The following RYR1 variants were observed in gnomAD, a reference collection of about 807,000 sequenced individuals.
The protein encoded by RYR1 is ryanodine receptor 1.
In RYR1, 342 loss-of-function variants were observed where a neutral mutation model predicts 583.5. That is an observed-to-expected ratio of 0.59 (90% CI 0.54 to 0.64). The LOEUF (loss-of-function observed/expected upper bound fraction) is 0.64. Ranked by LOEUF, RYR1 falls within the 30% of genes least tolerant of loss-of-function variation. The pLI, the probability that RYR1 is intolerant of heterozygous loss-of-function variation, is 0.00. For missense variants in RYR1, 6,032 were observed against 6,917.2 expected, an observed-to-expected ratio of 0.87 and a Z score of 4.54; for synonymous variants, 2,791 against 2,822.5, an observed-to-expected ratio of 0.99 and a Z score of 0.35.
Position 38,543,853 on chromosome 19 carries a change from A to G in RYR1, c.11990A>G (p.His3997Arg). 1 of 1,613,754 alleles carries G rather than the reference A, an allele frequency of 6.2e-7. No homozygotes were observed. Among genetic ancestry groups the G allele is most frequent in the Non-Finnish European group, 8.5e-7 (1 of 1,180,020 alleles). ...GTGGGATTCCTGCACGTGTTCGCCC[A>G]CATGATGATGAAGCTCGCTCAGGTT... is the stretch of plus-strand genomic sequence containing the variant. ...AVVGFLHVFA[H>R]MMMKLAQDSS... The change falls in exon 87 of 106, where the codon CAC (histidine) becomes CGC (arginine). Residue 3997 changes from histidine (H) to arginine (R), a missense_variant. This residue lies in a region of RYR1 where 82 missense variants were observed against 139.7 expected (regional missense o/e 0.59). Transcript: ENST00000359596. The surrounding 1 kb of genome is among the most constrained non-coding windows in gnomAD (Gnocchi z 4.4).
chr19:38,546,321 C>A lies in RYR1; in HGVS notation c.12013-124C>A, dbSNP rs530019719. On this transcript the variant is annotated intron_variant, in intron 87 of 105. Transcript: ENST00000359596. ...CCGAGGAACATGTCTGGACTCGGGTCCCCTCGGAGGTAAGAGGGGAGAAAA... is the reference window on the plus strand; with the variant it reads ...CCGAGGAACATGTCTGGACTCGGGTACCCTCGGAGGTAAGAGGGGAGAAAA... 3.9e-6 allele frequency: 3 copies of A among 763,124 alleles called. No individual in the cohort carries two copies. The South Asian group carries it at 4.3e-5, about 11-fold the overall frequency. 47.3% of individuals were successfully genotyped at this position (763,124 alleles called of 1,614,324 possible).
intron 90 of RYR1, among the ~76,000 whole-genome samples, chr19:38,564,681 A>G (rs373422923): frequency 1.3e-5 from 2 of 152,102 alleles, no homozygotes; most frequent in South Asian, 4.1e-4. Context: ...ACACCGGCTA[A>G]TTTTTGCATT....
rs2915947 is a variant in RYR1, at chr19:38,502,270, A to C, written c.7615-237A>C. On this transcript the variant is annotated intron_variant, in intron 47 of 105. Coordinates refer to ENST00000359596, the MANE Select transcript of RYR1 (RefSeq NM_000540.3). ...ATCTGTAATGGGGTTCATTAATCTC[A>C]TCGACCAGTTGTGTGTGTTTGAAAT... Among the ~76,000 whole-genome samples the C allele has an allele frequency of 0.16, 24,327 of 151,802 alleles. 2,524 individuals carry two copies. The highest frequency in any genetic ancestry group is 0.28 in the African/African-American group (11,639 of 41,328).
Position 38,502,984 on chromosome 19 carries a change from C to A in RYR1, c.7926+14C>A. On this transcript the variant is annotated intron_variant, in intron 49 of 105. Transcript: ENST00000359596. ...ATGCCACTCAAGGTGAGGGCAAGCG[C>A]TCTTTAGCATCTCATTTCCAGGCCG... 3 of 1,606,192 alleles carry A rather than the reference C, an allele frequency of 1.9e-6. No homozygotes were observed. The highest frequency in any genetic ancestry group is 2.2e-5 in the East Asian group (1 of 44,872).
chr19:38,532,158 G>A (rs1489311311), intron 76 of RYR1, among the ~76,000 whole-genome samples: 1 of 142,934 alleles, frequency 7.0e-6, no homozygotes, highest in Non-Finnish European at 1.5e-5. Flanking sequence ...GTCTTGCTCT[G>A]TCACCCAGGC....
At chr19:38,585,301 T>G (rs547281613) in intron 102 of RYR1, among the ~76,000 whole-genome samples, 21 of 151,646 alleles carry the variant, frequency 1.4e-4, no homozygotes, top group African/African-American at 4.1e-4. Flanking sequence ...TCATAGGTTG[T>G]GATCAGGATT....
intron 82 of RYR1, 42 bp downstream of exon 82, chr19:38,536,112 C>G: frequency 6.5e-7 from 1 of 1,547,250 alleles, no homozygotes; most frequent in South Asian, 1.2e-5. Context: ...GAGACATCTT[C>G]CTTTGGGATT....
At chr19:38,538,285 A>G (rs1291465782) in intron 84 of RYR1, among the ~76,000 whole-genome samples, 2 of 152,176 alleles carry the variant, frequency 1.3e-5, no homozygotes, top group African/African-American at 4.8e-5. Context: ...TTGTAGTCCC[A>G]GCTACTCAGG....
intron 78 of RYR1, among the ~76,000 whole-genome samples, chr19:38,534,329 G>T (rs193294411): frequency 2.0e-5 from 3 of 152,130 alleles, no homozygotes; most frequent in Admixed American, 2.0e-4. Flanking sequence ...GATTTTTATT[G>T]GTGACAAAGC....
At chr19:38,576,134 C>T (rs1422514139) in intron 97 of RYR1, among the ~76,000 whole-genome samples, 173 bp downstream of exon 97, 1 of 152,126 alleles carries the variant, frequency 6.6e-6, no homozygotes, top group Admixed American at 6.6e-5. Flanking sequence ...GCTTGCTTCC[C>T]TTTCTTGAAT....
In RYR1 at chr19:38,502,533, G is replaced by A. The variant is rs1970173742; in HGVS notation, c.7641G>A (p.Ala2547=). Residue 2547 remains alanine, a synonymous_variant, in exon 48 of 106, where the codon GCG becomes GCA. Coordinates refer to ENST00000359596, the MANE Select transcript of RYR1 (RefSeq NM_000540.3). ...CCACTTTCAGCACCACCGAGATGGC[G>A]CTGGCGCTGAACCGCTACCTGTGCC... ...DTATFSTTEM[A]LALNRYLCLA... 6 of 1,609,300 alleles carry A rather than the reference G, an allele frequency of 3.7e-6. No homozygotes were observed. Among genetic ancestry groups the A allele is most frequent in the Admixed American group, 1.7e-5 (1 of 59,946 alleles).
rs2915952 is a variant in RYR1 at position 38,505,335 on chromosome 19, G to T, written c.8337G>T (p.Glu2779Asp). Reference protein sequence around the residue: ...DKIQNNWSYGENIDEELKTHP... With the variant: ...DKIQNNWSYGDNIDEELKTHP... The stretch of plus-strand genomic sequence containing the variant: ...TCCAGAACAACTGGTCCTATGGAGA[G>T]AACATAGACGAGGAGCTGAAGACCC... The change falls in exon 53 of 106, where the codon GAG becomes GAT. Residue 2779 changes from glutamate to aspartate, a missense_variant. Glu to Asp is a conservative substitution (Grantham distance 45, BLOSUM62 2). Around this residue, in one of 11 missense-constraint regions of RYR1, gnomAD observed 1,493 missense variants for 1,715.5 expected, o/e 0.87. Coordinates refer to ENST00000359596, the MANE Select transcript of RYR1 (RefSeq NM_000540.3). 1.2e-6 allele frequency: 2 copies of T among 1,610,936 alleles called. No homozygotes were observed. Among genetic ancestry groups the T allele is most frequent in the South Asian group, 2.2e-5 (2 of 90,652 alleles).
In RYR1 at chr19:38,467,816, G is replaced by T; in HGVS notation, c.3381+4G>T. 7 of 1,613,634 alleles carry T rather than the reference G, an allele frequency of 4.3e-6. No individual in the cohort carries two copies. The highest frequency in any genetic ancestry group is 1.7e-5 in the Admixed American group (1 of 59,992). ...CTATGTCTTCAATGGGCACCGCGTG[G>T]GTACCTCCCTGGGCACCATTCTGCC... On this transcript the variant is annotated splice_donor_region_variant and intron_variant, in intron 25 of 105. Coordinates refer to ENST00000359596, the MANE Select transcript of RYR1 (RefSeq NM_000540.3).
intron 67 of RYR1, among the ~76,000 whole-genome samples, chr19:38,520,692 T>TTAAAAAAAAAAAAAAA (rs1971187560): frequency 2.1e-5 from 1 of 48,554 alleles, no homozygotes; most frequent in Non-Finnish European, 3.5e-5. Flanking sequence ...AGGCTCCACC[T>TTAAAAAAAAAAAAAAA]CAAAAAAAAA....
chr19:38,571,483 A>C (rs1023330106), intron 94 of RYR1, among the ~76,000 whole-genome samples: 1 of 152,160 alleles, frequency 6.6e-6, no homozygotes, highest in Non-Finnish European at 1.5e-5. Flanking sequence ...AAATACAAAA[A>C]AAAATTAGCC....
intron 89 of RYR1, among the ~76,000 whole-genome samples, chr19:38,549,926 T>TGTGTGTGTGTG (rs1972596231): frequency 1.4e-5 from 2 of 141,262 alleles, no homozygotes; most frequent in East Asian, 2.1e-4. Flanking sequence ...TGTGTGTGTG[T>TGTGTGTGTGTG]TGTATTTTTA....
At chr19:38,573,025 T>G in intron 95 of RYR1, 152 bp from the exon 96 acceptor site, 1 of 1,206,854 alleles carries the variant, frequency 8.3e-7, no homozygotes, top group East Asian at 3.2e-5. Context: ...CCCTAAGCCC[T>G]CTGCCTGGGC....
rs911724458 is a variant in RYR1 at position 38,548,119 on chromosome 19, C to T, written c.12095-114C>T. On this transcript the variant is annotated intron_variant, in intron 88 of 105. Coordinates refer to ENST00000359596, the MANE Select transcript of RYR1 (RefSeq NM_000540.3). ...GGGACCTGTGGAGGGGAGGCTGTGG[C>T]TGGCCAGGGACACTCCAGCAGCGTG... is the stretch of plus-strand genomic sequence containing the variant. 8.6e-6 allele frequency: 10 copies of T among 1,163,034 alleles called. No homozygotes were observed. The African/African-American group carries it at 1.1e-4, about 12-fold the overall frequency. The allele number at this position is 1,163,034 out of a possible 1,614,324, so 72.0% of individuals were successfully genotyped here. A position where few individuals can be genotyped will look rare whatever the true frequency, so the allele number is the denominator to read the frequency against.
At chr19:38,442,292 T>C in intron 2 of RYR1, 57 bp from the exon 3 acceptor site, 1 of 1,152,986 alleles carries the variant, frequency 8.7e-7, no homozygotes, top group South Asian at 1.2e-5. Context: ...TGGCAGGGAA[T>C]GTTGCTGGGG....
Sources: allele counts gnomAD v4.1 joint callset (sites outside exome capture counted in the v4.1 genomes callset), GRCh38; gene constraint gnomAD v4.1.1; regional missense constraint gnomAD v4.1.1; non-coding constraint Gnocchi (gnomAD v3.1); transcripts MANE v1.5; gene names NCBI Gene and HGNC (gene_info 2026-07-23, HGNC 2026-07-21).